The following ADGRL2 variants were observed in gnomAD, a reference collection of about 807,000 sequenced individuals.
ADGRL2 encodes the protein adhesion G protein-coupled receptor L2, also known as calcium-independent alpha-latrotoxin receptor 2.
In ADGRL2, 44 loss-of-function variants were observed where a neutral mutation model predicts 157.4. The observed-to-expected ratio is 0.28, with a 90% CI of 0.22 to 0.36. The LOEUF (loss-of-function observed/expected upper bound fraction) is 0.36, where lower values mean the gene tolerates loss of function less well. ADGRL2 is among the 10% of genes least tolerant of loss of function. The pLI, the probability that ADGRL2 is intolerant of heterozygous loss-of-function variation, is 1.00. For synonymous variants in ADGRL2, 585 were observed against 624.7 expected (o/e 0.94, Z 0.95); for missense variants, 1,510 against 1,768.9 (o/e 0.85, Z 2.63).
At chr1:81,557,522 A>AAAGAAAGAAAGAG (rs1553123760) in intron 2 of ADGRL2, 1 of 150,876 alleles carries the variant, frequency 6.6e-6, no homozygotes, top group Non-Finnish European at 1.5e-5. Context: ...AGAAAGAAAG[A>AAAGAAAGAAAGAG]AAGAGAAGAA....
chr1:81,391,175 A>G (rs1196192089), intron 1 of ADGRL2, among the ~76,000 whole-genome samples: 1 of 152,304 alleles, frequency 6.6e-6, no homozygotes, highest in African/African-American at 2.4e-5. Context: ...AAATTGATTC[A>G]TTGATGCAGC....
At chr1:81,980,935 T>C (rs1572497731) in intron 18 of ADGRL2, 1 of 544,040 alleles carries the variant, frequency 1.8e-6, no homozygotes, top group East Asian at 2.9e-5. Context: ...TTATAATTAT[T>C]TTGAAATATC....
At chr1:81,925,389 G>A (rs901511195) in intron 3 of ADGRL2, among the ~76,000 whole-genome samples, 5 of 151,782 alleles carry the variant, frequency 3.3e-5, no homozygotes, top group African/African-American at 1.2e-4. Context: ...AAATATTTTA[G>A]AAGTTGCAAG....
intron 1 of ADGRL2, among the ~76,000 whole-genome samples, chr1:81,812,543 T>G (rs2149688390): frequency 6.6e-6 from 1 of 151,862 alleles, no homozygotes; most frequent in African/African-American, 2.4e-5. Context: ...ATTTTTTATT[T>G]ATGATTGTCT....
chr1:81,471,017 C>CT (rs1445107967), intron 2 of ADGRL2, among the ~76,000 whole-genome samples: 3 of 152,140 alleles, frequency 2.0e-5, no homozygotes, highest in Non-Finnish European at 2.9e-5. Flanking sequence ...CTCTCATAGT[C>CT]TGTTTCCTCA....
intron 1 of ADGRL2, among the ~76,000 whole-genome samples, chr1:81,711,320 T>C (rs2083921209): frequency 2.0e-5 from 3 of 152,224 alleles, no homozygotes; most frequent in Admixed American, 2.0e-4. Context: ...AACCATCGTT[T>C]GTCTGTCAGT....
chr1:81,813,258 A>G (rs138040030), intron 1 of ADGRL2, among the ~76,000 whole-genome samples: 4 of 151,814 alleles, frequency 2.6e-5, no homozygotes, highest in African/African-American at 4.8e-5. Flanking sequence ...TCCATTATGT[A>G]TCTTTGGAAA....
chr1:81,374,791 C>G (rs2076221219), intron 1 of ADGRL2, among the ~76,000 whole-genome samples: 1 of 152,170 alleles, frequency 6.6e-6, no homozygotes, highest in African/African-American at 2.4e-5. Context: ...CTGGGATTTA[C>G]TGAGACTTCC....
chr1:81,766,855 AAAAAAAAG>A (rs2086148666), intron 2 of ADGRL2, among the ~76,000 whole-genome samples: 1 of 149,100 alleles, frequency 6.7e-6, no homozygotes, highest in African/African-American at 2.6e-5. Context: ...AGGAAAAAAA[AAAAAAAAG>A]AAAAAGAAAT....
intron 2 of ADGRL2, among the ~76,000 whole-genome samples, chr1:81,470,089 C>T (rs1399522590): frequency 6.6e-6 from 1 of 152,166 alleles, no homozygotes; most frequent in Non-Finnish European, 1.5e-5. Context: ...TTCCTTAAGT[C>T]ATGTTCTTCT....
intron 1 of ADGRL2, among the ~76,000 whole-genome samples, chr1:81,325,777 C>T (rs1309247344): frequency 6.6e-6 from 1 of 152,150 alleles, no homozygotes; most frequent in Non-Finnish European, 1.5e-5. Flanking sequence ...AATCAATACC[C>T]ACAGACGTAT....
intron 3 of ADGRL2, among the ~76,000 whole-genome samples, chr1:81,916,539 T>C (rs775728534): frequency 3.3e-5 from 5 of 152,064 alleles, no homozygotes; most frequent in Non-Finnish European, 7.4e-5. Flanking sequence ...AAATGTAATA[T>C]AATGCATGTT....
At chr1:81,856,475 C>T (rs991153188) in intron 2 of ADGRL2, among the ~76,000 whole-genome samples, 2 of 152,234 alleles carry the variant, frequency 1.3e-5, no homozygotes, top group Non-Finnish European at 2.9e-5. Context: ...ATGTCTTTTT[C>T]GATCAGCTGT....
chr1:81,959,864 G>C (rs11163399), intron 11 of ADGRL2, among the ~76,000 whole-genome samples: 3 of 151,542 alleles, frequency 2.0e-5, no homozygotes, highest in Admixed American at 2.0e-4. Flanking sequence ...GCAATGGCGC[G>C]ATCTTGGCTC....
chr1:81,639,540 CAAAAAAA>C (rs56281820), intron 3 of ADGRL2, among the ~76,000 whole-genome samples: 1 of 82,994 alleles, frequency 1.2e-5, no homozygotes, highest in African/African-American at 5.0e-5. Context: ...TCCATCTCTA[CAAAAAAA>C]AAAAAAAAAA....
chr1:81,767,465 A>G (rs932189090), intron 2 of ADGRL2, among the ~76,000 whole-genome samples: 2 of 152,164 alleles, frequency 1.3e-5, no homozygotes, highest in Non-Finnish European at 2.9e-5. Flanking sequence ...AAATGTCCCC[A>G]GTTAATGATA....
intron 3 of ADGRL2, among the ~76,000 whole-genome samples, chr1:81,935,036 ATT>A (rs1429108834): frequency 6.6e-6 from 1 of 151,956 alleles, no homozygotes; most frequent in African/African-American, 2.4e-5. Context: ...TCAGAATTAT[ATT>A]TATTAGTTGG....
At chr1:81,502,650 C>T (rs998490247) in intron 2 of ADGRL2, 83 of 1,613,874 alleles carry the variant, frequency 5.1e-5, no homozygotes, top group South Asian at 1.6e-4. Context: ...GCTGCCTTCA[C>T]CCTCAGCTCA....
chr1:81,613,015 G>C (rs991186338), intron 3 of ADGRL2, among the ~76,000 whole-genome samples: 11 of 152,178 alleles, frequency 7.2e-5, no homozygotes, highest in African/African-American at 2.2e-4. Context: ...TGTCCTCAAA[G>C]AGACTGCATA....
Sources: allele counts gnomAD v4.1 joint callset (sites outside exome capture counted in the v4.1 genomes callset), GRCh38; gene constraint gnomAD v4.1.1; transcripts MANE v1.5; gene names NCBI Gene and HGNC (gene_info 2026-07-23, HGNC 2026-07-21).